Variants in XKR4 observed in about 807,000 individuals in gnomAD.
XKR4 encodes XK related 4, also known as XK-related protein 4.
A neutral mutation model predicts 53.9 loss-of-function variants in XKR4; 12 were observed. The observed-to-expected ratio is 0.22, with a 90% confidence interval of 0.14 to 0.36. The LOEUF is 0.36. Among genes scored for constraint, XKR4 ranks in the 10% least tolerant of loss-of-function variants. XKR4 has a pLI of 1.00. For missense variants in XKR4, 799 were observed against 859.5 expected, an observed-to-expected ratio of 0.93 and a Z score of 0.88; for synonymous variants, 354 against 362.4, an observed-to-expected ratio of 0.98 and a Z score of 0.26.
chr8:55,111,744 C>T (rs973014992), intron 1 of XKR4, among the ~76,000 whole-genome samples: 8 of 152,164 alleles, frequency 5.3e-5, no homozygotes, highest in Non-Finnish European at 1.0e-4. Flanking sequence ...GTATGCATAG[C>T]TGGAGTGCTG....
At chr8:55,480,205 A>G (rs957119609) in intron 2 of XKR4, among the ~76,000 whole-genome samples, 5 of 152,150 alleles carry the variant, frequency 3.3e-5, no homozygotes, top group South Asian at 2.1e-4. Flanking sequence ...TATCCACCAC[A>G]ATCAAGTGGG....
chr8:55,523,112 A>G (rs1806822751), intron 2 of XKR4, among the ~76,000 whole-genome samples, 169 bp from the exon 3 acceptor site: 1 of 150,452 alleles, frequency 6.6e-6, no homozygotes, highest in South Asian at 2.1e-4. Flanking sequence ...ACTGCACTCC[A>G]GTCTGGGCAA....
chr8:55,509,203 A>G (rs2658947), intron 2 of XKR4, among the ~76,000 whole-genome samples: 102,165 of 152,016 alleles, frequency 0.67, 34,972 homozygotes, highest in East Asian at 0.86. Context: ...TGTGTGAGGC[A>G]CCTACTAGAG....
chr8:55,196,538 A>G (rs986725251), intron 1 of XKR4, among the ~76,000 whole-genome samples: 2 of 152,214 alleles, frequency 1.3e-5, no homozygotes, highest in Admixed American at 1.3e-4. Context: ...GTAATGGAAT[A>G]TCTTTAAAAC....
intron 1 of XKR4, among the ~76,000 whole-genome samples, chr8:55,269,571 G>C (rs1818658256): frequency 6.6e-6 from 1 of 152,120 alleles, no homozygotes; most frequent in Non-Finnish European, 1.5e-5. Flanking sequence ...TTAGTGAGTG[G>C]AGAAAGAATG....
At chr8:55,192,558 T>C (rs1284646091) in intron 1 of XKR4, among the ~76,000 whole-genome samples, 1 of 152,142 alleles carries the variant, frequency 6.6e-6, no homozygotes, top group African/African-American at 2.4e-5. Flanking sequence ...TACAGAGCCA[T>C]GTGAATAACA....
At chr8:55,291,849 G>C (rs1819025776) in intron 1 of XKR4, among the ~76,000 whole-genome samples, 1 of 152,108 alleles carries the variant, frequency 6.6e-6, no homozygotes, top group Non-Finnish European at 1.5e-5. Context: ...AGCTGAGGAA[G>C]TACTTCTTTA....
chr8:55,451,464 C>T (rs1000145506), intron 2 of XKR4: 2 of 1,252,834 alleles, frequency 1.6e-6, no homozygotes, highest in Non-Finnish European at 2.3e-6. Flanking sequence ...TCTCCTGCTC[C>T]AGGCTACTCG....
At chr8:55,260,533 T>G (rs1221682023) in intron 1 of XKR4, among the ~76,000 whole-genome samples, 4 of 152,020 alleles carry the variant, frequency 2.6e-5, no homozygotes, top group African/African-American at 7.3e-5. Context: ...AGGTTTAGAG[T>G]GCAGGTTTAC....
At chr8:55,390,594 G>A (rs1034059073) in intron 2 of XKR4, among the ~76,000 whole-genome samples, 45 of 152,188 alleles carry the variant, frequency 3.0e-4, no homozygotes, top group African/African-American at 1.1e-3. Flanking sequence ...GGGCAGCAGG[G>A]CTAGAATCTC....
rs556002415 is a variant in XKR4, at chr8:55,303,087, G to T, written c.807-54591G>T. On this transcript the variant is annotated intron_variant, in intron 1 of 2. Coordinates refer to ENST00000327381, the MANE Select transcript of XKR4 (RefSeq NM_052898.2). ...CATGTCTTGTGCCCGTTTTCAAAGG[G>T]AATGCTTCCAGTTTTTGCCCATTCA... 2.2e-4 allele frequency among the ~76,000 whole-genome samples: 33 copies of T among 152,282 alleles called. No individual in the cohort carries two copies. In the East Asian group the frequency reaches 6.2e-3, roughly 28 times the overall value.
In XKR4 at chr8:55,418,890, C is replaced by CT. The variant is rs11302035; in HGVS notation, c.1006+61025dup. Among the ~76,000 whole-genome samples, 226 of 146,064 alleles carry CT rather than the reference C, an allele frequency of 1.5e-3. 1 individual carries two copies. Among genetic ancestry groups the CT allele is most frequent in the Admixed American group, 3.4e-3 (49 of 14,582 alleles). On this transcript the variant is annotated intron_variant, in intron 2 of 2. Coordinates refer to ENST00000327381, the MANE Select transcript of XKR4 (RefSeq NM_052898.2). The stretch of plus-strand genomic sequence containing the variant: ...TGCTTCTGCTCTCCAATTTGCCCTG[C>CT]TTTTTTTTTTTTAATTAGCATTTAC...
chr8:55,438,229 A>G (rs1046688156), intron 2 of XKR4, among the ~76,000 whole-genome samples: 1 of 152,166 alleles, frequency 6.6e-6, no homozygotes, highest in East Asian at 1.9e-4. Context: ...TTGCATGCTC[A>G]GGGATAATGA....
chr8:55,334,498 A>C (rs1215969090), intron 1 of XKR4, among the ~76,000 whole-genome samples: 1 of 152,112 alleles, frequency 6.6e-6, no homozygotes, highest in Non-Finnish European at 1.5e-5. Context: ...AAATTCTGGG[A>C]GAAGGCTCAG....
chr8:55,170,718 A>G (rs990516814), intron 1 of XKR4, among the ~76,000 whole-genome samples: 1 of 152,216 alleles, frequency 6.6e-6, no homozygotes, highest in Non-Finnish European at 1.5e-5. Context: ...GGCAGGCATA[A>G]CGACTGTCAT....
intron 1 of XKR4, among the ~76,000 whole-genome samples, chr8:55,239,664 A>G (rs1818181006): frequency 6.6e-6 from 1 of 152,092 alleles, no homozygotes; most frequent in Admixed American, 6.6e-5. Flanking sequence ...AGGTGTTCCC[A>G]TTCACTCCCA....
intron 2 of XKR4, among the ~76,000 whole-genome samples, chr8:55,499,164 T>C (rs779828114): frequency 9.9e-5 from 15 of 152,218 alleles, no homozygotes; most frequent in Non-Finnish European, 2.2e-4. Flanking sequence ...ATAGAAACTA[T>C]AGGCACCAAA....
chr8:55,464,156 T>C (rs1450979000), intron 2 of XKR4, among the ~76,000 whole-genome samples: 1 of 152,150 alleles, frequency 6.6e-6, no homozygotes, highest in Non-Finnish European at 1.5e-5. Context: ...TACCAAAGCC[T>C]GGCAGAGACA....
At chr8:55,147,241 A>C (rs1404702058) in intron 1 of XKR4, among the ~76,000 whole-genome samples, 1 of 152,228 alleles carries the variant, frequency 6.6e-6, no homozygotes, top group East Asian at 1.9e-4. Context: ...GGAAAGCTTT[A>C]CTTAGAAAAA....
Sources: allele counts gnomAD v4.1 joint callset (sites outside exome capture counted in the v4.1 genomes callset), GRCh38; gene constraint gnomAD v4.1.1; transcripts MANE v1.5; gene names NCBI Gene and HGNC (gene_info 2026-07-23, HGNC 2026-07-21).